RYR3: variants seen among roughly 807,000 people sequenced by gnomAD.
The protein encoded by RYR3 is brain ryanodine receptor-calcium release channel.
Under a neutral mutation model 584.3 loss-of-function variants are expected in RYR3, and 207 were observed. The observed-to-expected ratio is 0.35, with a 90% CI of 0.32 to 0.40. The LOEUF is 0.40. Ranked by LOEUF, RYR3 falls within the 10% of genes least tolerant of loss-of-function variation. RYR3 has a pLI of 1.00. For synonymous variants in RYR3, 2,416 were observed against 2,248.5 expected (o/e 1.07, Z -2.11); for missense variants, 5,616 against 6,089.2 (o/e 0.92, Z 2.59).
chr15:33,642,851 G>A (rs989409943), intron 27 of RYR3, among the ~76,000 whole-genome samples: 1 of 152,192 alleles, frequency 6.6e-6, no homozygotes. Flanking sequence ...GCTGTGAGGA[G>A]GCTTTTTCTA....
intron 18 of RYR3, 32 bp downstream of exon 18, chr15:33,603,396 T>C: frequency 6.6e-7 from 1 of 1,512,982 alleles, no homozygotes; most frequent in Non-Finnish European, 8.9e-7. Flanking sequence ...TGGCTCATAA[T>C]CTCACTGGAA....
chr15:33,636,431 A>T lies in RYR3; in HGVS notation c.3437A>T (p.Asp1146Val). 2 of 1,613,854 alleles carry T rather than the reference A, an allele frequency of 1.2e-6. No homozygotes were observed. The highest frequency in any genetic ancestry group is 1.1e-5 in the South Asian group (1 of 91,068). Reference sequence around the variant, plus strand: ...TTTGGGCGTACCTGGCAGCCAGGGGATGTGGTCGGATGTATGATTAACCTG... The same window carrying T: ...TTTGGGCGTACCTGGCAGCCAGGGGTTGTGGTCGGATGTATGATTAACCTG... ...GYFGRTWQPG[D>V]VVGCMINLDD... The change falls in exon 27 of 104, where the codon GAT becomes GTT. Residue 1146 changes from aspartate (D) to valine (V), a missense_variant. Around this residue, in one of 9 missense-constraint regions of RYR3, gnomAD observed 152 missense variants for 200.9 expected, o/e 0.76. Coordinates refer to ENST00000634891, the MANE Select transcript of RYR3 (RefSeq NM_001036.6).
chr15:33,581,651 C>T lies in RYR3; in HGVS notation c.1573+8C>T. 3 of 1,612,192 alleles carry T rather than the reference C, an allele frequency of 1.9e-6. No individual in the cohort carries two copies. The highest frequency in any genetic ancestry group is 2.5e-6 in the Non-Finnish European group (3 of 1,178,402). ...TCCTCTACAAATTGCTGGGTAAGTA[C>T]ACATACAGTGCCTTCTCCCTGGGAT... is the stretch of plus-strand genomic sequence containing the variant. On this transcript the variant is annotated splice_region_variant and intron_variant, in intron 14 of 103. Coordinates refer to ENST00000634891, the MANE Select transcript of RYR3 (RefSeq NM_001036.6).
At chr15:33,507,958 A>C (rs541541728) in intron 3 of RYR3, among the ~76,000 whole-genome samples, 12 of 152,186 alleles carry the variant, frequency 7.9e-5, no homozygotes, top group Non-Finnish European at 1.3e-4. Context: ...TGTTATACGG[A>C]TCCTTCAGGA....
chr15:33,756,976 T>C (rs4780178), intron 59 of RYR3, among the ~76,000 whole-genome samples: 75,660 of 151,934 alleles, frequency 0.5, 19,318 homozygotes, highest in African/African-American at 0.62. Context: ...TGGCTCTCTA[T>C]CCAGCTAAAA....
intron 7 of RYR3, 41 bp from the exon 8 acceptor site, chr15:33,543,581 A>G (rs1265975359): frequency 7.8e-7 from 1 of 1,287,900 alleles, no homozygotes; most frequent in Non-Finnish European, 1.1e-6. Flanking sequence ...TCTCTTCATT[A>G]AACTTCCCAT....
rs774024912 is a variant in RYR3, at chr15:33,810,431, G to A, written c.10027-48G>A. The stretch of plus-strand genomic sequence containing the variant: ...GCCTCTGACAGGAGGCCGTTCCTTT[G>A]GGAGAATCACTGAACCCCTCTCTGT... On this transcript the variant is annotated intron_variant, in intron 70 of 103. Transcript: ENST00000634891. 4 of 1,601,142 alleles carry A rather than the reference G, an allele frequency of 2.5e-6. No homozygotes were observed. In the South Asian group the frequency reaches 4.5e-5, roughly 18 times the overall value.
intron 1 of RYR3, among the ~76,000 whole-genome samples, chr15:33,463,530 A>G (rs1449310843): frequency 6.6e-6 from 1 of 152,156 alleles, no homozygotes; most frequent in Non-Finnish European, 1.5e-5. Flanking sequence ...GAAAACTTAA[A>G]CAAATTGATT....
intron 82 of RYR3, 63 bp from the exon 83 acceptor site, chr15:33,826,189 C>T: frequency 6.6e-7 from 1 of 1,515,088 alleles, no homozygotes; most frequent in South Asian, 1.1e-5. Context: ...TAACTAAAGA[C>T]AGTTTATCAT....
intron 38 of RYR3, among the ~76,000 whole-genome samples, chr15:33,689,633 A>G: frequency 6.6e-6 from 1 of 152,112 alleles, no homozygotes; most frequent in East Asian, 1.9e-4. Context: ...TCTCCATGTA[A>G]TGGAGGCTTA....
intron 58 of RYR3, 96 bp downstream of exon 58, chr15:33,755,276 C>A: frequency 1.2e-6 from 1 of 800,372 alleles, no homozygotes; most frequent in Non-Finnish European, 2.0e-6. Flanking sequence ...CATTTAGGTG[C>A]ATGATTTTAG....
chr15:33,533,454 G>A (rs2141076238), intron 5 of RYR3, 65 bp downstream of exon 5: 3 of 1,148,372 alleles, frequency 2.6e-6, no homozygotes, highest in Middle Eastern at 1.9e-4. Context: ...CTTTTGAGAA[G>A]GACCCTGAAT....
chr15:33,668,697 A>G (rs1455417881), intron 36 of RYR3, among the ~76,000 whole-genome samples: 1 of 152,226 alleles, frequency 6.6e-6, no homozygotes, highest in Non-Finnish European at 1.5e-5. Context: ...AAACTTGTTA[A>G]TAATGCAAAT....
At chr15:33,531,679 C>G (rs2054886451) in intron 4 of RYR3, among the ~76,000 whole-genome samples, 1 of 151,596 alleles carries the variant, frequency 6.6e-6, no homozygotes, top group Non-Finnish European at 1.5e-5. Flanking sequence ...AAGAGGCTGA[C>G]CTTTTCAGCC....
chr15:33,796,342 C>G (rs1596641900), intron 67 of RYR3, among the ~76,000 whole-genome samples: 1 of 152,304 alleles, frequency 6.6e-6, no homozygotes, highest in East Asian at 1.9e-4. Flanking sequence ...CCATGTTGGT[C>G]AAGCTGGTCT....
chr15:33,331,235 T>C (rs894499130), intron 1 of RYR3, among the ~76,000 whole-genome samples: 2 of 152,200 alleles, frequency 1.3e-5, no homozygotes, highest in Non-Finnish European at 2.9e-5. Context: ...AACGAGTTCA[T>C]TCTCTTCCAA....
intron 65 of RYR3, among the ~76,000 whole-genome samples, chr15:33,784,443 A>C (rs914139319): frequency 6.6e-6 from 1 of 152,250 alleles, no homozygotes; most frequent in African/African-American, 2.4e-5. Flanking sequence ...TTGTATTTGC[A>C]GTCTTCTGCT....
chr15:33,767,678 C>T (rs1440244042), intron 60 of RYR3, among the ~76,000 whole-genome samples: 1 of 152,148 alleles, frequency 6.6e-6, no homozygotes, highest in African/African-American at 2.4e-5. Context: ...AATGTGTCAC[C>T]AGGGGACCCC....
At chr15:33,696,605 T>A in intron 39 of RYR3, 114 bp downstream of exon 39, 1 of 1,141,202 alleles carries the variant, frequency 8.8e-7, no homozygotes, top group Non-Finnish European at 1.2e-6. Flanking sequence ...TTGTGTGAAC[T>A]GATTCCAATT....
Sources: gnomAD v4.1 joint callset for allele counts (sites outside exome capture counted in the v4.1 genomes callset) on GRCh38, gnomAD v4.1.1 for gene constraint, gnomAD v4.1.1 regional missense constraint, MANE v1.5 for transcripts, NCBI Gene and HGNC (gene_info 2026-07-23, HGNC 2026-07-21) for gene names.